NCAM2: variants seen among roughly 807,000 people sequenced by gnomAD.
NCAM2 encodes the protein N-CAM-2.
NCAM2 carries 30 observed loss-of-function variants against 98.1 expected under a neutral mutation model. The ratio of observed to expected loss-of-function variants is 0.31; its 90% confidence interval spans 0.23 to 0.41. The LOEUF (loss-of-function observed/expected upper bound fraction) is 0.41. Among genes scored for constraint, NCAM2 ranks in the 10% least tolerant of loss-of-function variants. The pLI is 1.00. For synonymous variants in NCAM2, 368 were observed against 342.4 expected (o/e 1.07, Z -0.83); for missense variants, 867 against 1,005.8 (o/e 0.86, Z 1.87).
At chr21:21,021,674 C>A (rs1601115095) in intron 1 of NCAM2, among the ~76,000 whole-genome samples, 1 of 152,206 alleles carries the variant, frequency 6.6e-6, no homozygotes, top group African/African-American at 2.4e-5. Flanking sequence ...TCATTTATCC[C>A]AATTTATCTT....
At chr21:21,397,487 T>G (rs2096881) in intron 9 of NCAM2, among the ~76,000 whole-genome samples, 20,899 of 152,032 alleles carry the variant, frequency 0.14, 1,964 homozygotes, top group East Asian at 0.3. Flanking sequence ...GTAGCAGGGG[T>G]CTGGTGTGTC....
At chr21:21,485,949 CT>C (rs1170270793) in intron 15 of NCAM2, among the ~76,000 whole-genome samples, 2 of 152,030 alleles carry the variant, frequency 1.3e-5, no homozygotes, top group Non-Finnish European at 2.9e-5. Context: ...AACTGCTATC[CT>C]TTCTTGTAAT....
At position 21,479,651 on chromosome 21, in the gene NCAM2, GA is replaced by G. The variant is rs1438190855; in HGVS notation, c.2077+2186del. The stretch of plus-strand genomic sequence containing the variant: ...CAACAATACGTGTAGACAAAAGGTT[GA>G]AAAAATTAAAAGGTAATAAAAGCAG... On this transcript the variant is annotated intron_variant, in intron 15 of 17. Coordinates refer to ENST00000400546, the MANE Select transcript of NCAM2 (RefSeq NM_004540.5). Among the ~76,000 whole-genome samples, 8 of 145,416 alleles carry G rather than the reference GA, an allele frequency of 5.5e-5. No homozygotes were observed. The East Asian group carries it at 1.6e-3, about 29-fold the overall frequency.
rs11325446 is a variant in NCAM2 at position 21,063,210 on chromosome 21, C to CTTTTTTTT, written c.55+64613_55+64620dup. Reference sequence around the variant, plus strand: ...TCATAGCACTGTTTATCTTTACATTCTTTTTTTTTTTTTTTTTTTTTTTTT... The same window carrying CTTTTTTTT: ...TCATAGCACTGTTTATCTTTACATTCTTTTTTTTTTTTTTTTTTTTTTTTTTTTTTTTT... On this transcript the variant is annotated intron_variant, in intron 1 of 17. Coordinates refer to ENST00000400546, the MANE Select transcript of NCAM2 (RefSeq NM_004540.5). Among the ~76,000 whole-genome samples, 40 of 66,106 alleles carry CTTTTTTTT rather than the reference C, an allele frequency of 6.1e-4. 6 individuals are homozygous for CTTTTTTTT. Among genetic ancestry groups the CTTTTTTTT allele is most frequent in the African/African-American group, 9.7e-4 (15 of 15,432 alleles). 43.4% of individuals were successfully genotyped at this position (66,106 alleles called of 152,430 possible). A position where few individuals can be genotyped will look rare whatever the true frequency, so the allele number is the denominator to read the frequency against.
At chr21:21,479,183 T>A (rs1985536505) in intron 15 of NCAM2, among the ~76,000 whole-genome samples, 1 of 152,088 alleles carries the variant, frequency 6.6e-6, no homozygotes, top group Non-Finnish European at 1.5e-5. Flanking sequence ...ATTTAATATA[T>A]GAAGTAGAAG....
At chr21:21,035,247 C>G (rs1314845179) in intron 1 of NCAM2, among the ~76,000 whole-genome samples, 1 of 152,050 alleles carries the variant, frequency 6.6e-6, no homozygotes, top group Non-Finnish European at 1.5e-5. Context: ...CAGTCAAAGC[C>G]TTAATAAAAT....
intron 15 of NCAM2, among the ~76,000 whole-genome samples, chr21:21,488,839 G>C (rs576598381): frequency 6.6e-6 from 1 of 151,928 alleles, no homozygotes; most frequent in East Asian, 1.9e-4. Context: ...ACTGAATAAA[G>C]ATAAACTATA....
intron 1 of NCAM2, among the ~76,000 whole-genome samples, chr21:21,070,267 G>GTA (rs56050809): frequency 0.063 from 9,118 of 145,130 alleles, 391 homozygotes; most frequent in African/African-American, 0.11. Context: ...TGTACATAGT[G>GTA]TATATATATA....
At chr21:21,469,956 T>A (rs1161169880) in intron 14 of NCAM2, among the ~76,000 whole-genome samples, 3 of 152,020 alleles carry the variant, frequency 2.0e-5, no homozygotes, top group Non-Finnish European at 2.9e-5. Flanking sequence ...TGAATTGGAC[T>A]GTTAGAACAG....
At chr21:21,451,028 GA>G (rs1383886172) in intron 12 of NCAM2, among the ~76,000 whole-genome samples, 2 of 151,986 alleles carry the variant, frequency 1.3e-5, no homozygotes, top group East Asian at 3.9e-4. Context: ...ATTTTTAGTG[GA>G]AATAGTTTTC....
chr21:21,115,619 G>C (rs886829368), intron 1 of NCAM2, among the ~76,000 whole-genome samples: 3 of 152,100 alleles, frequency 2.0e-5, no homozygotes, highest in Admixed American at 6.5e-5. Flanking sequence ...CTTTGTTTCT[G>C]ATTACAGTCT....
intron 15 of NCAM2, among the ~76,000 whole-genome samples, chr21:21,495,072 G>A (rs1348880973): frequency 2.0e-5 from 3 of 151,776 alleles, no homozygotes; most frequent in Admixed American, 6.6e-5. Context: ...GTTCTAAAAG[G>A]ATAGCTAAAA....
intron 8 of NCAM2, among the ~76,000 whole-genome samples, chr21:21,355,406 G>A (rs1233325623): frequency 1.4e-5 from 2 of 145,108 alleles, no homozygotes; most frequent in Non-Finnish European, 3.0e-5. Flanking sequence ...AGGTTGCAGG[G>A]AGCCGAGGTC....
At chr21:21,274,524 A>G (rs1177258515) in intron 1 of NCAM2, among the ~76,000 whole-genome samples, 3 of 152,340 alleles carry the variant, frequency 2.0e-5, no homozygotes, top group East Asian at 1.9e-4. Flanking sequence ...TAAAAATCCA[A>G]TAACAAGGAG....
At chr21:21,090,221 T>C (rs1381900651) in intron 1 of NCAM2, among the ~76,000 whole-genome samples, 1 of 152,226 alleles carries the variant, frequency 6.6e-6, no homozygotes, top group Non-Finnish European at 1.5e-5. Context: ...CTCTTATCTA[T>C]TGTTGTCAGA....
At chr21:21,190,969 T>G (rs993395189) in intron 1 of NCAM2, among the ~76,000 whole-genome samples, 1 of 152,168 alleles carries the variant, frequency 6.6e-6, no homozygotes, top group East Asian at 1.9e-4. Flanking sequence ...CAATGTTAGA[T>G]CAAAGGCCGT....
chr21:21,414,976 T>A (rs1032358703), intron 10 of NCAM2, among the ~76,000 whole-genome samples: 2 of 151,370 alleles, frequency 1.3e-5, no homozygotes, highest in African/African-American at 2.4e-5. Flanking sequence ...CAGCACTATA[T>A]CTCAACAGTG....
chr21:21,064,106 A>AT (rs1337161460), intron 1 of NCAM2, among the ~76,000 whole-genome samples: 1 of 152,098 alleles, frequency 6.6e-6, no homozygotes, highest in Non-Finnish European at 1.5e-5. Flanking sequence ...GAGTTGTGAG[A>AT]TTTTAGTGCA....
intron 15 of NCAM2, among the ~76,000 whole-genome samples, chr21:21,507,622 T>A (rs1442371205): frequency 6.6e-6 from 1 of 151,598 alleles, no homozygotes; most frequent in Admixed American, 6.6e-5. Context: ...TGAAACCCCG[T>A]TTCTACTAAA....
Sources: gnomAD v4.1 joint callset for allele counts (sites outside exome capture counted in the v4.1 genomes callset) on GRCh38, gnomAD v4.1.1 for gene constraint, MANE v1.5 for transcripts, NCBI Gene and HGNC (gene_info 2026-07-23, HGNC 2026-07-21) for gene names.